PAX5: variants seen among roughly 807,000 people sequenced by gnomAD.
PAX5 encodes the protein paired box 5, also known as paired box protein Pax-5.
A neutral mutation model predicts 43.7 loss-of-function variants in PAX5; 9 were observed. The ratio of observed to expected loss-of-function variants is 0.21; its 90% CI spans 0.12 to 0.36. The LOEUF (loss-of-function observed/expected upper bound fraction) is 0.36. PAX5 is among the 10% of genes least tolerant of loss of function. The probability of loss-of-function intolerance (pLI) is 1.00; values close to 1 mark genes in which losing one functional copy is unlikely to be tolerated. For synonymous variants in PAX5, 228 were observed against 214.3 expected (o/e 1.06, Z -0.56); for missense variants, 383 against 532.7 (o/e 0.72, Z 2.77).
At chr9:36,996,971 AACAG>A (rs1248682765) in intron 5 of PAX5, among the ~76,000 whole-genome samples, 2 of 152,316 alleles carry the variant, frequency 1.3e-5, no homozygotes, top group Non-Finnish European at 2.9e-5. Flanking sequence ...GGGAGACAGA[AACAG>A]ACACAGAGGA....
At chr9:36,868,062 C>T (rs988425107) in intron 8 of PAX5, among the ~76,000 whole-genome samples, 1 of 152,118 alleles carries the variant, frequency 6.6e-6, no homozygotes, top group African/African-American at 2.4e-5. Flanking sequence ...GGCAAGTCCC[C>T]CGAGAGGGGA....
chr9:36,914,464 G>A (rs1357953481), intron 7 of PAX5, among the ~76,000 whole-genome samples: 1 of 152,164 alleles, frequency 6.6e-6, no homozygotes, highest in East Asian at 1.9e-4. Context: ...CTGTGATTCT[G>A]TGCACGGGGA....
chr9:37,001,810 C>CTTTTTTTTT (rs3073720), intron 5 of PAX5, among the ~76,000 whole-genome samples: 970 of 87,754 alleles, frequency 0.011, 6 homozygotes, highest in African/African-American at 0.021. Context: ...ACAGCTCTGG[C>CTTTTTTTTT]TTTTTTTTTT....
chr9:36,837,394 A>G lies in PAX5; in HGVS notation c.*3166T>C. ...ATTTTTCTAGGTTGGAGCTAGACTGATGGTATGAGAAATTTTCATAAAATC... is the reference window on the plus strand; with the variant it reads ...ATTTTTCTAGGTTGGAGCTAGACTGGTGGTATGAGAAATTTTCATAAAATC... On this transcript the variant is annotated 3_prime_UTR_variant, in exon 10 of 10. Transcript: ENST00000358127. 4.3e-6 allele frequency: 1 copy of G among 233,224 alleles called. No homozygotes were observed. The highest frequency in any genetic ancestry group is 8.5e-6 in the Non-Finnish European group (1 of 118,014). 14.4% of individuals were successfully genotyped at this position (233,224 alleles called of 1,614,324 possible).
intron 3 of PAX5, among the ~76,000 whole-genome samples, chr9:37,013,982 C>G (rs1839181078): frequency 6.6e-6 from 1 of 152,082 alleles, no homozygotes; most frequent in Admixed American, 6.6e-5. Context: ...GTGAGGGTCT[C>G]CTACGCCCAC....
chr9:36,921,055 T>C (rs112110908), intron 7 of PAX5, among the ~76,000 whole-genome samples: 1 of 152,272 alleles, frequency 6.6e-6, no homozygotes, highest in African/African-American at 2.4e-5. Context: ...TCAGGTGATC[T>C]GCCCGCCTCG....
At chr9:36,899,560 T>C (rs1220862402) in intron 7 of PAX5, among the ~76,000 whole-genome samples, 1 of 151,862 alleles carries the variant, frequency 6.6e-6, no homozygotes, top group East Asian at 1.9e-4. Flanking sequence ...TTGAGCCCAA[T>C]CGGTGTTACT....
At chr9:36,937,726 C>A (rs1831682120) in intron 6 of PAX5, among the ~76,000 whole-genome samples, 1 of 152,174 alleles carries the variant, frequency 6.6e-6, no homozygotes, top group African/African-American at 2.4e-5. Flanking sequence ...GAATGACCTC[C>A]TATAGAAAAG....
At chr9:37,013,369 T>C (rs1239305975) in intron 3 of PAX5, among the ~76,000 whole-genome samples, 2 of 152,138 alleles carry the variant, frequency 1.3e-5, no homozygotes, top group African/African-American at 4.8e-5. Flanking sequence ...AGGCATTAGA[T>C]TTTGTGACCC....
At chr9:36,941,651 G>T (rs1832058327) in intron 6 of PAX5, among the ~76,000 whole-genome samples, 2 of 152,180 alleles carry the variant, frequency 1.3e-5, no homozygotes, top group Admixed American at 1.3e-4. Context: ...CCCCCTCTTT[G>T]CCTGGGCTCC....
intron 7 of PAX5, among the ~76,000 whole-genome samples, chr9:36,919,510 C>T (rs952258979): frequency 1.3e-5 from 2 of 152,152 alleles, no homozygotes; most frequent in African/African-American, 2.4e-5. Context: ...ACATTAAAAA[C>T]GTTCTGGAAA....
At chr9:36,978,993 G>A (rs541395271) in intron 5 of PAX5, among the ~76,000 whole-genome samples, 2 of 152,290 alleles carry the variant, frequency 1.3e-5, no homozygotes, top group African/African-American at 4.8e-5. Context: ...AAGCTGAAAT[G>A]AACATCATGC....
rs1436933377 is a variant in PAX5 at position 36,968,570 on chromosome 9, G to A, written c.605-1846C>T. ...TTCCCCACCAATTTTGACCCAAGAGGATACTGTAGGCTGGGCCACAGCCTG... is the reference window on the plus strand; with the variant it reads ...TTCCCCACCAATTTTGACCCAAGAGAATACTGTAGGCTGGGCCACAGCCTG... On this transcript the variant is annotated intron_variant, in intron 5 of 9. Coordinates refer to ENST00000358127, the MANE Select transcript of PAX5 (RefSeq NM_016734.3). Among the ~76,000 whole-genome samples, 5 of 151,842 alleles carry A rather than the reference G, an allele frequency of 3.3e-5. No individual in the cohort carries two copies. The East Asian group carries it at 9.8e-4, about 30-fold the overall frequency.
In PAX5 at chr9:36,957,715, A is replaced by T. The variant is rs550407981; in HGVS notation, c.780+8834T>A. ...TAACACTTTCTATGCGTGCTATGGT[A>T]ATTGGGAAGTCCTGAACAAAAGCGC... On this transcript the variant is annotated intron_variant, in intron 6 of 9. Coordinates refer to ENST00000358127, the MANE Select transcript of PAX5 (RefSeq NM_016734.3). 2.8e-4 allele frequency among the ~76,000 whole-genome samples: 43 copies of T among 152,260 alleles called. 1 individual carries two copies. The highest frequency in any genetic ancestry group is 5.2e-4 in the Admixed American group (8 of 15,302).
intron 8 of PAX5, among the ~76,000 whole-genome samples, chr9:36,881,729 C>G (rs1322467438): frequency 6.6e-6 from 1 of 152,010 alleles, no homozygotes; most frequent in Non-Finnish European, 1.5e-5. Context: ...CCAGCCCCTG[C>G]ACCCTCTGTG....
At chr9:36,893,805 G>A (rs1012623942) in intron 7 of PAX5, among the ~76,000 whole-genome samples, 10 of 152,228 alleles carry the variant, frequency 6.6e-5, no homozygotes, top group Admixed American at 2.6e-4. Flanking sequence ...TACTGTATCG[G>A]CGAGGTTCAG....
At chr9:37,003,352 C>G (rs751082884) in intron 4 of PAX5, among the ~76,000 whole-genome samples, 22 of 151,956 alleles carry the variant, frequency 1.4e-4, no homozygotes, top group Non-Finnish European at 2.4e-4. Context: ...CCAGTTTCCC[C>G]CGATTTGATT....
intron 7 of PAX5, among the ~76,000 whole-genome samples, chr9:36,920,510 C>G (rs944676258): frequency 1.3e-5 from 2 of 152,176 alleles, no homozygotes; most frequent in Non-Finnish European, 2.9e-5. Flanking sequence ...TTTTTAGCAA[C>G]AAGTATTTTT....
At position 37,008,210 on chromosome 9, in the gene PAX5, C is replaced by T. The variant is rs570486250; in HGVS notation, c.411-1673G>A. ...GAGTAGCTGGGACTACAGGCGCATGCCACTGCCTAATTTTTGTATTTTTAG... is the reference window on the plus strand; with the variant it reads ...GAGTAGCTGGGACTACAGGCGCATGTCACTGCCTAATTTTTGTATTTTTAG... On this transcript the variant is annotated intron_variant, in intron 3 of 9. Transcript: ENST00000358127. Among the ~76,000 whole-genome samples, 10 of 152,280 alleles carry T rather than the reference C, an allele frequency of 6.6e-5. 1 individual carries two copies. The highest frequency in any genetic ancestry group is 2.4e-4 in the African/African-American group (10 of 41,560).
Sources: gnomAD v4.1 joint callset for allele counts (sites outside exome capture counted in the v4.1 genomes callset) on GRCh38, gnomAD v4.1.1 for gene constraint, MANE v1.5 for transcripts, NCBI Gene and HGNC (gene_info 2026-07-23, HGNC 2026-07-21) for gene names.